The following RAB27A variants were observed in gnomAD, a reference collection of about 807,000 sequenced individuals.
RAB27A encodes the protein ras-related protein Rab-27A.
In RAB27A, 17 loss-of-function variants were observed where a neutral mutation model predicts 20.8. That is an observed-to-expected ratio of 0.82 (90% CI 0.56 to 1.23). The LOEUF (loss-of-function observed/expected upper bound fraction) is 1.23. RAB27A is among the 50% of genes most tolerant of loss of function. RAB27A has a pLI of 0.00. For missense variants in RAB27A, 277 were observed against 266.7 expected, an observed-to-expected ratio of 1.04 and a Z score of -0.27; for synonymous variants, 85 against 92.8, an observed-to-expected ratio of 0.92 and a Z score of 0.48.
At chr15:55,214,757 T>C (rs1345902398) in intron 6 of RAB27A, among the ~76,000 whole-genome samples, 1 of 152,152 alleles carries the variant, frequency 6.6e-6, no homozygotes, top group African/African-American at 2.4e-5. Context: ...AATATTTGAT[T>C]AACAACTTGA....
chr15:55,292,202 A>G (rs1440887161), upstream of RAB27A, among the ~76,000 whole-genome samples: 1 of 152,364 alleles, frequency 6.6e-6, no homozygotes, highest in Non-Finnish European at 1.5e-5. Flanking sequence ...ATCATTTACT[A>G]TGAGTCAGCC....
intron 3 of RAB27A, among the ~76,000 whole-genome samples, chr15:55,233,978 T>C (rs999863627): frequency 2.6e-5 from 4 of 152,152 alleles, no homozygotes; most frequent in Admixed American, 1.3e-4. Context: ...GGTAGTAGAA[T>C]AAAATACTAG....
chr15:55,217,603 T>A (rs1425013495), intron 6 of RAB27A, among the ~76,000 whole-genome samples: 1 of 132,002 alleles, frequency 7.6e-6, no homozygotes, highest in Non-Finnish European at 1.5e-5. Context: ...AGGCAGAGGT[T>A]ACAGTGAGCC....
intron 6 of RAB27A, among the ~76,000 whole-genome samples, chr15:55,215,738 G>T (rs1283405097): frequency 6.6e-6 from 1 of 150,718 alleles, no homozygotes; most frequent in African/African-American, 2.4e-5. Flanking sequence ...GAGACGGGTG[G>T]ATCACCTGAG....
exon 1 of RAB27A, chr15:55,318,992 G>A (rs922954771): frequency 6.6e-6 from 3 of 454,252 alleles, no homozygotes; most frequent in Non-Finnish European, 1.2e-5. Flanking sequence ...CCCCTCCAGA[G>A]ACCGGGGGCC....
chr15:55,240,166 A>G (rs1352413545), intron 2 of RAB27A, among the ~76,000 whole-genome samples: 1 of 152,172 alleles, frequency 6.6e-6, no homozygotes, highest in Non-Finnish European at 1.5e-5. Context: ...CAGAAAGAAA[A>G]TACTCCACTC....
In RAB27A at chr15:55,217,663, CAAAAAAAAAAAAAAAA is replaced by C. The variant is rs199813098; in HGVS notation, c.467+6210_467+6225del. ...TGGGTGACAGAGCTACACTCCATCT[CAAAAAAAAAAAAAAAA>C]AAAAAAAAAAAAAAAATTCAAGAGG... On this transcript the variant is annotated intron_variant, in intron 6 of 6. Coordinates refer to ENST00000336787, the MANE Select transcript of RAB27A (RefSeq NM_183235.3). Among the ~76,000 whole-genome samples the C allele has an allele frequency of 3.4e-4, 15 of 43,552 alleles. 1 individual carries two copies. Among genetic ancestry groups the C allele is most frequent in the East Asian group, 7.1e-4 (1 of 1,410 alleles). The allele number at this position is 43,552 out of a possible 152,430, so 28.6% of individuals were successfully genotyped here. A position where few individuals can be genotyped will look rare whatever the true frequency, so the allele number is the denominator to read the frequency against.
At chr15:55,208,203 A>G (rs1013333176) in intron 6 of RAB27A, among the ~76,000 whole-genome samples, 2 of 152,244 alleles carry the variant, frequency 1.3e-5, no homozygotes, top group Non-Finnish European at 2.9e-5. Flanking sequence ...GGCAAAAATT[A>G]AACATTGAAT....
At chr15:55,261,991 G>T (rs1260837309) in intron 2 of RAB27A, among the ~76,000 whole-genome samples, 4 of 150,776 alleles carry the variant, frequency 2.7e-5, no homozygotes, top group African/African-American at 7.3e-5. Context: ...GAGCCAAAAT[G>T]GCACAATTGC....
chr15:55,307,770 T>C (rs888954129), intron 2 of RAB27A, among the ~76,000 whole-genome samples: 2 of 150,258 alleles, frequency 1.3e-5, no homozygotes, highest in African/African-American at 4.9e-5. Context: ...TGCCTGTTCT[T>C]TGTTCTCCTG....
intron 2 of RAB27A, among the ~76,000 whole-genome samples, chr15:55,250,327 C>T (rs150187586): frequency 6.3e-4 from 96 of 152,126 alleles, no homozygotes; most frequent in African/African-American, 2.2e-3. Flanking sequence ...AAGTTACATA[C>T]CAAATTTAGA....
At chr15:55,223,140 T>C (rs1419544635) in intron 6 of RAB27A, among the ~76,000 whole-genome samples, 1 of 152,144 alleles carries the variant, frequency 6.6e-6, no homozygotes, top group Non-Finnish European at 1.5e-5. Context: ...AACCAGCACC[T>C]AATCTGCAAT....
chr15:55,268,790 C>A (rs555733002), intron 2 of RAB27A, among the ~76,000 whole-genome samples: 1 of 152,284 alleles, frequency 6.6e-6, no homozygotes, highest in East Asian at 1.9e-4. Context: ...GCTTTTCAGA[C>A]ATGTCGGTTA....
chr15:55,288,290 G>A (rs967858626), intron 1 of RAB27A, among the ~76,000 whole-genome samples: 1 of 152,138 alleles, frequency 6.6e-6, no homozygotes, highest in Non-Finnish European at 1.5e-5. Flanking sequence ...GGAGGCTGAC[G>A]CAGGTTGATC....
At chr15:55,264,862 T>C (rs1031117307) in intron 2 of RAB27A, among the ~76,000 whole-genome samples, 2 of 152,194 alleles carry the variant, frequency 1.3e-5, no homozygotes, top group Non-Finnish European at 2.9e-5. Flanking sequence ...TGTGCCACTA[T>C]GTTAAGCACC....
chr15:55,254,994 T>G (rs1370749483), intron 2 of RAB27A, among the ~76,000 whole-genome samples: 1 of 152,230 alleles, frequency 6.6e-6, no homozygotes, highest in Non-Finnish European at 1.5e-5. Flanking sequence ...AAGGAGGCAG[T>G]ACCAGAAAAT....
intron 6 of RAB27A, among the ~76,000 whole-genome samples, chr15:55,217,951 G>C (rs1895392460): frequency 6.6e-6 from 1 of 152,130 alleles, no homozygotes; most frequent in South Asian, 2.1e-4. Flanking sequence ...TAAGTAAACA[G>C]ATTCAAATCA....
chr15:55,312,250 G>A (rs993105110), intron 2 of RAB27A, among the ~76,000 whole-genome samples: 4 of 152,216 alleles, frequency 2.6e-5, no homozygotes, highest in African/African-American at 9.7e-5. Context: ...CAAACAACAG[G>A]GGTGGACGGC....
intron 2 of RAB27A, among the ~76,000 whole-genome samples, chr15:55,266,568 A>G (rs904808587): frequency 1.3e-5 from 2 of 152,250 alleles, no homozygotes; most frequent in African/African-American, 4.8e-5. Flanking sequence ...ATGGTATAAC[A>G]TTAACTGAAA....
Sources: gnomAD v4.1 joint callset for allele counts (sites outside exome capture counted in the v4.1 genomes callset) on GRCh38, gnomAD v4.1.1 for gene constraint, MANE v1.5 for transcripts, NCBI Gene and HGNC (gene_info 2026-07-23, HGNC 2026-07-21) for gene names.